PTBP3: variants seen among roughly 807,000 people sequenced by gnomAD.
PTBP3 encodes the protein polypyrimidine tract binding protein 3, also known as polypyrimidine tract-binding protein 3.
PTBP3 carries 20 observed loss-of-function variants against 58.7 expected under a neutral mutation model. The ratio of observed to expected loss-of-function variants is 0.34; its 90% CI spans 0.24 to 0.50. The LOEUF is 0.50. Ranked by LOEUF, PTBP3 falls within the 20% of genes least tolerant of loss-of-function variation. PTBP3 has a pLI of 0.98. For missense variants in PTBP3, 509 were observed against 637.2 expected, an observed-to-expected ratio of 0.80 and a Z score of 2.17; for synonymous variants, 185 against 219.8, an observed-to-expected ratio of 0.84 and a Z score of 1.40.
chr9:112,296,722 A>AAT (rs1317500118), intron 2 of PTBP3, among the ~76,000 whole-genome samples: 1 of 152,128 alleles, frequency 6.6e-6, no homozygotes, highest in African/African-American at 2.4e-5. Flanking sequence ...ACTCAAACTC[A>AAT]ATATATACAA....
At position 112,311,414 on chromosome 9, in the gene PTBP3, A is replaced by C. The variant is rs1383328734; in HGVS notation, c.-51-13498T>G. ...AACCTAGAGATGACTTAAAGTATTC[A>C]GAAGGAACTGAGTTAAGTTATATGG... On this transcript the variant is annotated intron_variant, in intron 1 of 13. Coordinates refer to ENST00000374257, the MANE Select transcript of PTBP3 (RefSeq NM_001163788.4). Among the ~76,000 whole-genome samples, 3 of 152,326 alleles carry C rather than the reference A, an allele frequency of 2.0e-5. No individual in the cohort carries two copies. The South Asian group carries it at 6.2e-4, about 32-fold the overall frequency.
At chr9:112,240,593 T>C (rs1237822766) in intron 7 of PTBP3, among the ~76,000 whole-genome samples, 1 of 151,504 alleles carries the variant, frequency 6.6e-6, no homozygotes, top group Non-Finnish European at 1.5e-5. Flanking sequence ...ACTTTTATTA[T>C]ATAGTATATA....
intron 2 of PTBP3, among the ~76,000 whole-genome samples, chr9:112,277,553 C>T (rs185590842): frequency 8.9e-4 from 136 of 152,008 alleles, no homozygotes; most frequent in African/African-American, 3.1e-3. Flanking sequence ...ATCATATCAA[C>T]GTTAACTAAA....
chr9:112,248,221 G>A (rs1438146699), intron 7 of PTBP3, among the ~76,000 whole-genome samples: 2 of 152,124 alleles, frequency 1.3e-5, no homozygotes, highest in South Asian at 4.2e-4. Context: ...ACTTGACAAC[G>A]TAAAAGTATC....
upstream of PTBP3, among the ~76,000 whole-genome samples, chr9:112,336,450 A>G (rs1345173173): frequency 6.6e-6 from 1 of 151,922 alleles, no homozygotes; most frequent in South Asian, 2.1e-4. Flanking sequence ...AATGATTCCA[A>G]AAAGGCTGTA....
At chr9:112,241,714 T>C (rs971595497) in intron 7 of PTBP3, among the ~76,000 whole-genome samples, 2 of 152,196 alleles carry the variant, frequency 1.3e-5, no homozygotes, top group Non-Finnish European at 2.9e-5. Flanking sequence ...AATACATGAC[T>C]GTATATTTAA....
At chr9:112,362,957 A>G in the PTBP3 span, 1 of 255,144 alleles carries the variant, frequency 3.9e-6, no homozygotes, top group Non-Finnish European at 7.9e-6. Context: ...CGCATTGTCA[A>G]GGACTTGGAA....
At chr9:112,314,993 G>A (rs1004864113) in intron 1 of PTBP3, among the ~76,000 whole-genome samples, 3 of 151,978 alleles carry the variant, frequency 2.0e-5, no homozygotes, top group Non-Finnish European at 2.9e-5. Flanking sequence ...TGCCATGCCC[G>A]GCTAATTTTT....
the PTBP3 span, among the ~76,000 whole-genome samples, chr9:112,341,493 GGTGT>G: frequency 1.3e-5 from 2 of 151,188 alleles, no homozygotes; most frequent in Admixed American, 6.6e-5. Flanking sequence ...TTTTTCGTTG[GGTGT>G]GTGTGTGTGT....
At chr9:112,305,683 G>A (rs971628877) in intron 1 of PTBP3, among the ~76,000 whole-genome samples, 2 of 152,140 alleles carry the variant, frequency 1.3e-5, no homozygotes, top group Admixed American at 6.5e-5. Flanking sequence ...GCTCACGCCT[G>A]TAATCTCAGC....
the PTBP3 span, among the ~76,000 whole-genome samples, chr9:112,355,958 CTCTT>C: frequency 4.1e-4 from 36 of 87,554 alleles, no homozygotes; most frequent in East Asian, 0.01. Context: ...TTCTTTCTTT[CTCTT>C]TCTCTTTCTC....
the PTBP3 span, among the ~76,000 whole-genome samples, chr9:112,344,984 T>G: frequency 1.3e-5 from 2 of 151,812 alleles, no homozygotes; most frequent in African/African-American, 4.8e-5. Context: ...AAATACAAAA[T>G]TAGCCGGGTG....
chr9:112,320,558 A>G (rs1173723907), intron 1 of PTBP3, among the ~76,000 whole-genome samples: 1 of 151,958 alleles, frequency 6.6e-6, no homozygotes, highest in African/African-American at 2.4e-5. Context: ...TGACAAGCTG[A>G]CTTTAAATTT....
At chr9:112,353,563 CCT>C in the PTBP3 span, among the ~76,000 whole-genome samples, 3 of 151,850 alleles carry the variant, frequency 2.0e-5, no homozygotes, top group East Asian at 3.9e-4. Flanking sequence ...CTTTTTTTCC[CCT>C]CTTTTCCACT....
At chr9:112,379,004 T>C in the PTBP3 span, among the ~76,000 whole-genome samples, 13 of 152,136 alleles carry the variant, frequency 8.5e-5, no homozygotes, top group Admixed American at 2.0e-4. Flanking sequence ...CAGCCCAACA[T>C]GGCGAAACCC....
chr9:112,372,874 G>A, the PTBP3 span, among the ~76,000 whole-genome samples: 2 of 150,600 alleles, frequency 1.3e-5, no homozygotes, highest in South Asian at 2.1e-4. Context: ...GAACATATAC[G>A]TACTTCCTTG....
chr9:112,360,190 A>AT, the PTBP3 span, among the ~76,000 whole-genome samples: 6 of 151,740 alleles, frequency 4.0e-5, no homozygotes, highest in East Asian at 3.9e-4. Context: ...ACCCAAAGGA[A>AT]TTTTTTTTTC....
intron 4 of PTBP3, among the ~76,000 whole-genome samples, chr9:112,264,510 A>C (rs972761137): frequency 3.3e-5 from 5 of 152,228 alleles, no homozygotes; most frequent in Non-Finnish European, 7.3e-5. Flanking sequence ...TGGAAAAGTA[A>C]AGTGCATATT....
chr9:112,318,046 C>A (rs1161925453), intron 1 of PTBP3, among the ~76,000 whole-genome samples: 4 of 152,130 alleles, frequency 2.6e-5, no homozygotes, highest in Non-Finnish European at 5.9e-5. Flanking sequence ...AAATCCAACA[C>A]CCATTAATGT....
Sources: allele counts gnomAD v4.1 joint callset (sites outside exome capture counted in the v4.1 genomes callset), GRCh38; gene constraint gnomAD v4.1.1; transcripts MANE v1.5; gene names NCBI Gene and HGNC (gene_info 2026-07-23, HGNC 2026-07-21).